Variants in TMEM214 observed in about 807,000 individuals in gnomAD.
TMEM214 encodes the protein transmembrane protein 214.
A neutral mutation model predicts 89.8 loss-of-function variants in TMEM214; 71 were observed. That is an observed-to-expected ratio of 0.79 (90% CI 0.65 to 0.96). The LOEUF (loss-of-function observed/expected upper bound fraction) is 0.96, where lower values mean the gene tolerates loss of function less well. Ranked by LOEUF, TMEM214 falls within the 40% of genes least tolerant of loss-of-function variation. The pLI is 0.00. For synonymous variants in TMEM214, 332 were observed against 349.5 expected (o/e 0.95, Z 0.56); for missense variants, 754 against 843.4 (o/e 0.89, Z 1.31).
Position 27,040,962 on chromosome 2 carries a change from G to C in TMEM214, c.*125G>C, listed in dbSNP as rs867680730. On this transcript the variant is annotated 3_prime_UTR_variant, in exon 17 of 17. Transcript: ENST00000238788. ...GCCTGAGTTCTCTCCTAGGCAAGTG[G>C]CCAGTTGCCTCCACCTCAGTTCTTC... 1.0e-5 allele frequency: 13 copies of C among 1,247,626 alleles called. No homozygotes were observed. In the South Asian group the frequency reaches 1.9e-4, roughly 18 times the overall value. The allele number at this position is 1,247,626 out of a possible 1,614,324, so 77.3% of individuals were successfully genotyped here.
intron 16 of TMEM214, 37 bp downstream of exon 16, chr2:27,040,533 G>C (rs1305371562): frequency 6.2e-7 from 1 of 1,606,292 alleles, no homozygotes; most frequent in Admixed American, 1.7e-5. Flanking sequence ...AGGATCCCCA[G>C]CAGCCCCATT....
rs1337708792 is a variant in TMEM214 at position 27,036,755 on chromosome 2, T to C, written c.877T>C (p.Phe293Leu). ...PVLGIKSLSP[F>L]AITYLDRLLL... ...GCTGGGCATCAAGTCTCTGTCTCCC[T>C]TTGCCATCACATACCTGGATCGGCT... Residue 293 changes from phenylalanine to leucine, a missense_variant, in exon 7 of 17, where the codon TTT (phenylalanine) becomes CTT (leucine). By Grantham distance (22) the Phe-to-Leu change is conservative. Transcript: ENST00000238788. 3.1e-6 allele frequency: 5 copies of C among 1,613,962 alleles called. No individual in the cohort carries two copies. Among genetic ancestry groups the C allele is most frequent in the Admixed American group, 1.7e-5 (1 of 59,986 alleles).
In TMEM214 at chr2:27,035,748, G is replaced by T; in HGVS notation, c.637+20G>T. ...CACCAGGTGAAAGGGGCACGGGAGGGATGACCATCTTGGGAGCCTCCTCCT... is the reference window on the plus strand; with the variant it reads ...CACCAGGTGAAAGGGGCACGGGAGGTATGACCATCTTGGGAGCCTCCTCCT... On this transcript the variant is annotated intron_variant, in intron 4 of 16. Transcript: ENST00000238788. 6.2e-7 allele frequency: 1 copy of T among 1,614,052 alleles called. No homozygotes were observed. Among genetic ancestry groups the T allele is most frequent in the Middle Eastern group, 1.6e-4 (1 of 6,062 alleles).
chr2:27,036,101 G>A (rs376589886), intron 5 of TMEM214, 49 bp downstream of exon 5: 39 of 1,573,176 alleles, frequency 2.5e-5, no homozygotes, highest in Non-Finnish European at 3.1e-5. Context: ...GACTGGGGAG[G>A]CTGGGCAGAA....
Position 27,035,174 on chromosome 2 carries a change from C to T in TMEM214, c.391C>T (p.Gln131Ter). ...ADLQKELDKS[Q>*]SVFSGNPSIW... is the part of the protein sequence containing the mutation. The stretch of plus-strand genomic sequence containing the variant: ...CCTGCAGAAGGAACTGGACAAGAGC[C>T]AGAGTGTGTTCTCTGGAAACCCATC... The change falls in exon 3 of 17, where the codon CAG (glutamine) becomes TAG (stop). Residue 131 changes from glutamine (Q) to a stop codon, truncating the protein, a stop_gained. Coordinates refer to ENST00000238788, the MANE Select transcript of TMEM214 (RefSeq NM_017727.5). LOFTEE classifies it high-confidence loss of function. 6.2e-7 allele frequency: 1 copy of T among 1,614,136 alleles called. No homozygotes were observed. The highest frequency in any genetic ancestry group is 1.1e-5 in the South Asian group (1 of 91,066).
At chr2:27,040,277 G>A in intron 15 of TMEM214, 68 bp from the exon 16 acceptor site, 1 of 1,608,778 alleles carries the variant, frequency 6.2e-7, no homozygotes, top group Non-Finnish European at 8.5e-7. Context: ...GCACTGTGTG[G>A]CCTGAGTCTT....
intron 13 of TMEM214, 70 bp from the exon 14 acceptor site, chr2:27,039,671 C>T: frequency 7.6e-7 from 1 of 1,323,874 alleles, no homozygotes; most frequent in Non-Finnish European, 1.1e-6. Context: ...TGCTCTGGGC[C>T]CTGTAGTGTC....
intron 8 of TMEM214, 29 bp from the exon 9 acceptor site, chr2:27,037,532 T>A (rs1335396946): frequency 6.2e-7 from 1 of 1,614,070 alleles, no homozygotes; most frequent in African/African-American, 1.3e-5. Context: ...TTATAGCTTA[T>A]GCCTGTCTTT....
At chr2:27,036,225 T>C (rs956216608) in intron 5 of TMEM214, among the ~76,000 whole-genome samples, 173 bp downstream of exon 5, 2 of 152,216 alleles carry the variant, frequency 1.3e-5, no homozygotes, top group African/African-American at 4.8e-5. Flanking sequence ...AGGAGCAAGG[T>C]ACTGCTATTA....
intron 1 of TMEM214, among the ~76,000 whole-genome samples, chr2:27,033,716 G>A (rs1484764691): frequency 1.3e-5 from 2 of 152,176 alleles, no homozygotes; most frequent in Non-Finnish European, 2.9e-5. Context: ...ACCAAGAGGC[G>A]TTAGGGTAGG....
Position 27,037,270 on chromosome 2 carries a change from G to T in TMEM214, c.1010+92G>T, listed in dbSNP as rs2148244364. ...CGTCTCTCCTTCCCCAGCCATCCTA[G>T]ATCTGAGATTTGCAACCTGGAAGTT... is the stretch of plus-strand genomic sequence containing the variant. On this transcript the variant is annotated intron_variant, in intron 8 of 16. Coordinates refer to ENST00000238788, the MANE Select transcript of TMEM214 (RefSeq NM_017727.5). 34 of 1,172,542 alleles carry T rather than the reference G, an allele frequency of 2.9e-5. 1 individual carries two copies. The South Asian group carries it at 4.2e-4, about 15-fold the overall frequency. 72.6% of individuals were successfully genotyped at this position (1,172,542 alleles called of 1,614,324 possible).
Position 27,038,563 on chromosome 2 carries a change from G to C in TMEM214, c.1293+31G>C. On this transcript the variant is annotated intron_variant, in intron 11 of 16. Transcript: ENST00000238788. The surrounding 1 kb of genome is among the most constrained non-coding windows in gnomAD (Gnocchi z 4.4). ...GAGCTGGGAGGACGTGGCAGGTTGA[G>C]CCCTGTCTGGATTCTAGGTTCTGAG... 1 of 1,613,626 alleles carries C rather than the reference G, an allele frequency of 6.2e-7. No homozygotes were observed. The highest frequency in any genetic ancestry group is 8.5e-7 in the Non-Finnish European group (1 of 1,179,790).
chr2:27,036,191 C>T, intron 5 of TMEM214, 139 bp downstream of exon 5: 1 of 746,240 alleles, frequency 1.3e-6, no homozygotes, highest in Non-Finnish European at 2.3e-6. Context: ...TAGCACCTAT[C>T]CTGTGTGTGT....
chr2:27,039,334 T>A, intron 13 of TMEM214, 170 bp downstream of exon 13: 1 of 619,290 alleles, frequency 1.6e-6, no homozygotes, highest in Non-Finnish European at 2.9e-6. Flanking sequence ...GACACTACCA[T>A]TTCAGATTGG....
rs1667746987 is a variant in TMEM214 at position 27,039,798 on chromosome 2, C to T, written c.1583C>T (p.Ala528Val). The T allele has an allele frequency of 1.2e-6, 2 of 1,614,208 alleles. No homozygotes were observed. Among genetic ancestry groups the T allele is most frequent in the Non-Finnish European group, 1.7e-6 (2 of 1,180,040 alleles). ...GGCTTCTTACCTGCTAGCCAACAAGCGTGTGCCAAGCTCTACTCCTACAGT... is the reference window on the plus strand; with the variant it reads ...GGCTTCTTACCTGCTAGCCAACAAGTGTGTGCCAAGCTCTACTCCTACAGT... ...SSGFLPASQQ[A>V]CAKLYSYSLQ... is the part of the protein sequence containing the mutation. Residue 528 changes from alanine (A) to valine (V), a missense_variant, in exon 14 of 17, where the codon GCG (alanine) becomes GTG (valine). By Grantham distance (64) the Ala-to-Val change is moderately conservative. Coordinates refer to ENST00000238788, the MANE Select transcript of TMEM214 (RefSeq NM_017727.5).
intron 3 of TMEM214, 23 bp from the exon 4 acceptor site, chr2:27,035,571 A>G: frequency 6.2e-7 from 1 of 1,613,606 alleles, no homozygotes; most frequent in Non-Finnish European, 8.5e-7. Flanking sequence ...CCTAGCACTC[A>G]CATTGAGGCC....
intron 5 of TMEM214, 35 bp from the exon 6 acceptor site, chr2:27,036,452 C>G: frequency 6.4e-7 from 1 of 1,562,304 alleles, no homozygotes; most frequent in Non-Finnish European, 8.8e-7. Context: ...GTGTTTTGTC[C>G]TATCCCAATC....
At chr2:27,035,909 G>A (rs1667540570) in intron 4 of TMEM214, 61 bp from the exon 5 acceptor site, 3 of 1,597,356 alleles carry the variant, frequency 1.9e-6, no homozygotes, top group Non-Finnish European at 2.6e-6. Flanking sequence ...TGACAAATGG[G>A]AGATTTCAGG....
At position 27,041,024 on chromosome 2, in the gene TMEM214, C is replaced by T. The variant is rs139119676; in HGVS notation, c.*187C>T. ...GGGACAGGGCCCAGCAGCATCTCAG[C>T]CTCCTACCCACAATTCCACTGAACA... On this transcript the variant is annotated 3_prime_UTR_variant, in exon 17 of 17. Coordinates refer to ENST00000238788, the MANE Select transcript of TMEM214 (RefSeq NM_017727.5). 4.6e-6 allele frequency: 3 copies of T among 657,886 alleles called. No homozygotes were observed. In the East Asian group the frequency reaches 8.4e-5, roughly 18 times the overall value. The allele number at this position is 657,886 out of a possible 1,614,324, so 40.8% of individuals were successfully genotyped here.
Sources: gnomAD v4.1 joint callset for allele counts (sites outside exome capture counted in the v4.1 genomes callset) on GRCh38, gnomAD v4.1.1 for gene constraint, Gnocchi (gnomAD v3.1) non-coding constraint, MANE v1.5 for transcripts, NCBI Gene and HGNC (gene_info 2026-07-23, HGNC 2026-07-21) for gene names.